The following PTPRD variants were observed in gnomAD, a reference collection of about 807,000 sequenced individuals.
The protein encoded by PTPRD is protein tyrosine phosphatase receptor type D.
In PTPRD, 34 loss-of-function variants were observed where a neutral mutation model predicts 214.5. That is an observed-to-expected ratio of 0.16 (90% confidence interval 0.12 to 0.21). The LOEUF (loss-of-function observed/expected upper bound fraction) is 0.21, where lower values mean the gene tolerates loss of function less well. Ranked by LOEUF, PTPRD falls within the 10% of genes least tolerant of loss-of-function variation. PTPRD has a pLI of 1.00. For missense variants in PTPRD, 2,545 were observed against 2,398.7 expected, an observed-to-expected ratio of 1.06 and a Z score of -1.27; for synonymous variants, 1,128 against 845.7, an observed-to-expected ratio of 1.33 and a Z score of -5.79.
intron 9 of PTPRD, among the ~76,000 whole-genome samples, chr9:9,208,020 C>CTTTTTTTTTTTTTTTTTTTA (rs749709602): frequency 1.9e-5 from 1 of 53,260 alleles, no homozygotes; most frequent in East Asian, 7.3e-4. Context: ...TATATATCTG[C>CTTTTTTTTTTTTTTTTTTTA]TTTTTTTTTT....
At chr9:9,961,226 G>T (rs1176152941) in intron 4 of PTPRD, among the ~76,000 whole-genome samples, 1 of 150,608 alleles carries the variant, frequency 6.6e-6, no homozygotes, top group Non-Finnish European at 1.5e-5. Context: ...CAAGAATAAG[G>T]ATTACTATAT....
chr9:9,830,562 T>A (rs990953704), intron 5 of PTPRD, among the ~76,000 whole-genome samples: 1 of 151,964 alleles, frequency 6.6e-6, no homozygotes, highest in African/African-American at 2.4e-5. Flanking sequence ...GAAGTAGAGT[T>A]CACTTCCAAC....
chr9:9,025,376 T>G (rs1024291662), intron 10 of PTPRD, among the ~76,000 whole-genome samples: 15 of 152,044 alleles, frequency 9.9e-5, no homozygotes, highest in Non-Finnish European at 1.8e-4. Context: ...GTATAGAATG[T>G]GACTTCTTTG....
intron 11 of PTPRD, among the ~76,000 whole-genome samples, chr9:8,992,321 T>G (rs958385047): frequency 2.0e-5 from 3 of 152,182 alleles, no homozygotes; most frequent in Non-Finnish European, 4.4e-5. Flanking sequence ...GCTGATAACT[T>G]ACATTATACT....
chr9:10,499,762 A>AGTTAT, intron 2 of PTPRD, among the ~76,000 whole-genome samples: 1 of 151,524 alleles, frequency 6.6e-6, no homozygotes, highest in African/African-American at 2.4e-5. Flanking sequence ...TCCCACATTA[A>AGTTAT]GTTTCTTATC....
intron 9 of PTPRD, among the ~76,000 whole-genome samples, chr9:9,242,202 G>A (rs1321443787): frequency 6.6e-5 from 10 of 152,164 alleles, no homozygotes; most frequent in Non-Finnish European, 1.2e-4. Flanking sequence ...TAGAGTTTCT[G>A]CCGAGAAATC....
chr9:8,784,047 G>T (rs1402410747), intron 11 of PTPRD, among the ~76,000 whole-genome samples: 1 of 152,126 alleles, frequency 6.6e-6, no homozygotes, highest in Admixed American at 6.5e-5. Flanking sequence ...GTGAAACAAT[G>T]AATTAGCAAC....
intron 8 of PTPRD, among the ~76,000 whole-genome samples, chr9:9,422,828 C>G (rs902597716): frequency 6.6e-6 from 1 of 152,120 alleles, no homozygotes; most frequent in East Asian, 1.9e-4. Context: ...AGTTCTTAAG[C>G]CTTACAAGGT....
intron 3 of PTPRD, among the ~76,000 whole-genome samples, chr9:10,240,946 G>A (rs574218435): frequency 6.6e-6 from 1 of 150,996 alleles, no homozygotes; most frequent in African/African-American, 2.4e-5. Flanking sequence ...TTAGGAGAAG[G>A]CATTTGTAAA....
chr9:8,637,828 T>A (rs1051461208), intron 12 of PTPRD, among the ~76,000 whole-genome samples: 2 of 152,160 alleles, frequency 1.3e-5, no homozygotes, highest in African/African-American at 4.8e-5. Flanking sequence ...AGTTAAGTGT[T>A]ATAAAATCTG....
chr9:10,424,701 C>A (rs1291217928), intron 2 of PTPRD, among the ~76,000 whole-genome samples: 4 of 151,864 alleles, frequency 2.6e-5, no homozygotes, highest in Non-Finnish European at 5.9e-5. Flanking sequence ...TTCTAATGCT[C>A]ATAAATGGTA....
intron 11 of PTPRD, among the ~76,000 whole-genome samples, chr9:8,798,314 T>C (rs924894679): frequency 5.9e-5 from 9 of 152,126 alleles, no homozygotes; most frequent in African/African-American, 2.2e-4. Context: ...TAAGAAATAA[T>C]CAAGATAATC....
intron 9 of PTPRD, among the ~76,000 whole-genome samples, chr9:9,259,039 C>T (rs1329597091): frequency 6.6e-6 from 1 of 151,802 alleles, no homozygotes; most frequent in Non-Finnish European, 1.5e-5. Flanking sequence ...CCCTCTCTCT[C>T]CACCATATGA....
At chr9:8,778,273 T>G (rs79777636) in intron 11 of PTPRD, among the ~76,000 whole-genome samples, 1 of 152,184 alleles carries the variant, frequency 6.6e-6, no homozygotes, top group Non-Finnish European at 1.5e-5. Flanking sequence ...ATAAAGATTA[T>G]TCCCTTCTTA....
intron 8 of PTPRD, among the ~76,000 whole-genome samples, chr9:9,514,378 G>C (rs1387984402): frequency 6.6e-6 from 1 of 152,162 alleles, no homozygotes; most frequent in Non-Finnish European, 1.5e-5. Flanking sequence ...CCTGGCAACT[G>C]TCAGTTTGGA....
intron 14 of PTPRD, among the ~76,000 whole-genome samples, chr9:8,586,284 G>A (rs1398310577): frequency 6.6e-6 from 1 of 150,668 alleles, no homozygotes; most frequent in Non-Finnish European, 1.5e-5. Context: ...TGGTGACAGA[G>A]CTAGATTCTG....
At chr9:9,637,564 G>T (rs1459912383) in intron 7 of PTPRD, among the ~76,000 whole-genome samples, 1 of 152,154 alleles carries the variant, frequency 6.6e-6, no homozygotes, top group Non-Finnish European at 1.5e-5. Context: ...GGTGGATGTG[G>T]TTCCCCTAAT....
intron 11 of PTPRD, among the ~76,000 whole-genome samples, chr9:9,007,972 C>T (rs569977033): frequency 3.8e-5 from 1 of 26,532 alleles, no homozygotes; most frequent in Non-Finnish European, 1.4e-4. Flanking sequence ...GTGCACAATG[C>T]GCAGGTTAGT....
intron 11 of PTPRD, among the ~76,000 whole-genome samples, chr9:8,829,599 T>C (rs764878840): frequency 6.6e-6 from 1 of 152,150 alleles, no homozygotes; most frequent in African/African-American, 2.4e-5. Context: ...ACTGGACTTT[T>C]CCCCCTGACT....
Sources: gnomAD v4.1 joint callset for allele counts (sites outside exome capture counted in the v4.1 genomes callset) on GRCh38, gnomAD v4.1.1 for gene constraint, MANE v1.5 for transcripts, NCBI Gene and HGNC (gene_info 2026-07-23, HGNC 2026-07-21) for gene names.